The following TLK2 variants were observed in gnomAD, a reference collection of about 807,000 sequenced individuals.
TLK2 encodes tousled like kinase 2.
Under a neutral mutation model 117.3 loss-of-function variants are expected in TLK2, and 6 were observed. The observed-to-expected ratio is 0.05, with a 90% CI of 0.03 to 0.10. The LOEUF (loss-of-function observed/expected upper bound fraction) is 0.10. Ranked by LOEUF, TLK2 falls within the 10% of genes least tolerant of loss-of-function variation. TLK2 has a pLI of 1.00. For synonymous variants in TLK2, 257 were observed against 316.7 expected, an observed-to-expected ratio of 0.81 and a Z score of 2.00; for missense variants, 299 against 901.2, an observed-to-expected ratio of 0.33 and a Z score of 8.56.
chr17:62,553,019 A>G (rs1383180953), intron 8 of TLK2, among the ~76,000 whole-genome samples: 17 of 152,174 alleles, frequency 1.1e-4, no homozygotes, highest in African/African-American at 3.6e-4. Flanking sequence ...TGAACATTTG[A>G]GGATTGTATC....
intron 10 of TLK2, among the ~76,000 whole-genome samples, chr17:62,563,036 T>C (rs567988582): frequency 6.6e-6 from 1 of 152,282 alleles, no homozygotes; most frequent in African/African-American, 2.4e-5. Flanking sequence ...AGCCAAAAAG[T>C]GGAAACATCC....
At chr17:62,478,557 C>G (rs1340510435), upstream of TLK2, among the ~76,000 whole-genome samples, 1 of 150,134 alleles carries the variant, frequency 6.7e-6, no homozygotes, top group Non-Finnish European at 1.5e-5. Context: ...CAGCCGGCGC[C>G]GCCCGTCGCC....
chr17:62,471,156 G>C (rs1173816502), intron 1 of TLK2: 2 of 152,226 alleles, frequency 1.3e-5, no homozygotes, highest in Non-Finnish European at 2.9e-5. Flanking sequence ...GGCAGAATCA[G>C]GATTTGAGCT....
At chr17:62,598,651 T>C (rs998197581) in intron 17 of TLK2, among the ~76,000 whole-genome samples, 2 of 150,506 alleles carry the variant, frequency 1.3e-5, no homozygotes, top group African/African-American at 2.4e-5. Context: ...CAGCCTCCCA[T>C]GTAGCTAGGA....
intron 16 of TLK2, among the ~76,000 whole-genome samples, chr17:62,596,326 G>A (rs1004384201): frequency 7.9e-5 from 12 of 152,092 alleles, no homozygotes; most frequent in African/African-American, 2.2e-4. Context: ...CACCTGCCTC[G>A]GCCTCCCAAA....
intron 2 of TLK2, among the ~76,000 whole-genome samples, chr17:62,498,278 T>C (rs1459389304): frequency 6.6e-6 from 1 of 152,212 alleles, no homozygotes; most frequent in Non-Finnish European, 1.5e-5. Flanking sequence ...TCAAAAGTTA[T>C]AATTCCTAGT....
intron 13 of TLK2, among the ~76,000 whole-genome samples, chr17:62,576,997 G>A (rs4539664): frequency 7.1e-6 from 1 of 141,180 alleles, no homozygotes; most frequent in South Asian, 2.4e-4. Context: ...GAGTCTCACT[G>A]TGTCTCCCAG....
At chr17:62,476,773 A>G (rs1202060345), upstream of TLK2, among the ~76,000 whole-genome samples, 1 of 151,912 alleles carries the variant, frequency 6.6e-6, no homozygotes, top group Non-Finnish European at 1.5e-5. Context: ...GATTTAAGAC[A>G]TTAAATCATT....
intron 14 of TLK2, among the ~76,000 whole-genome samples, chr17:62,578,776 A>G (rs945967464): frequency 1.3e-5 from 2 of 152,234 alleles, no homozygotes; most frequent in Non-Finnish European, 2.9e-5. Context: ...TATTAAATTT[A>G]TATATTAAGT....
At chr17:62,597,051 A>T (rs894709999) in intron 17 of TLK2, among the ~76,000 whole-genome samples, 15 of 152,310 alleles carry the variant, frequency 9.8e-5, no homozygotes, top group South Asian at 4.1e-4. Flanking sequence ...CACATGTAAA[A>T]TATACAGTTT....
At chr17:62,511,671 A>G (rs556027391) in intron 2 of TLK2, among the ~76,000 whole-genome samples, 10 of 152,338 alleles carry the variant, frequency 6.6e-5, no homozygotes, top group African/African-American at 2.4e-4. Context: ...CACCCAGCCT[A>G]CAGCTTTCTG....
chr17:62,562,035 G>T (rs537744515), intron 10 of TLK2, among the ~76,000 whole-genome samples: 3 of 152,228 alleles, frequency 2.0e-5, no homozygotes, highest in African/African-American at 7.2e-5. Context: ...AGTATTTATT[G>T]AGTATCTGCT....
chr17:62,608,872 TGGAATG>T (rs2083512680), intron 21 of TLK2, among the ~76,000 whole-genome samples: 2 of 152,242 alleles, frequency 1.3e-5, no homozygotes, highest in Admixed American at 6.5e-5. Flanking sequence ...AAAGGAAACA[TGGAATG>T]GGAAGTGGTG....
intron 7 of TLK2, among the ~76,000 whole-genome samples, chr17:62,547,910 A>G (rs529453134): frequency 2.6e-5 from 4 of 152,322 alleles, no homozygotes; most frequent in Admixed American, 1.3e-4. Flanking sequence ...CTGCATAGGA[A>G]TAAATGGTAA....
intron 13 of TLK2, among the ~76,000 whole-genome samples, 193 bp from the exon 14 acceptor site, chr17:62,578,281 ACTC>A (rs2080963181): frequency 6.6e-6 from 1 of 151,560 alleles, no homozygotes; most frequent in South Asian, 2.1e-4. Flanking sequence ...TTCTTACTGA[ACTC>A]CTCTGTATGG....
chr17:62,580,554 T>C (rs1187306348), intron 15 of TLK2, among the ~76,000 whole-genome samples: 1 of 152,256 alleles, frequency 6.6e-6, no homozygotes, highest in East Asian at 1.9e-4. Flanking sequence ...GTGTCAAACC[T>C]GTTTCCAATA....
At chr17:62,540,927 G>A (rs549399844) in intron 7 of TLK2, among the ~76,000 whole-genome samples, 1 of 152,296 alleles carries the variant, frequency 6.6e-6, no homozygotes, top group Admixed American at 6.5e-5. Context: ...ACCCTGACAT[G>A]TTTTACTACC....
chr17:62,590,429 C>T (rs949199231), intron 16 of TLK2, among the ~76,000 whole-genome samples: 1 of 152,018 alleles, frequency 6.6e-6, no homozygotes, highest in Non-Finnish European at 1.5e-5. Context: ...GGCGACAGAG[C>T]GAGACTCCGT....
intron 2 of TLK2, among the ~76,000 whole-genome samples, chr17:62,507,825 A>C (rs1368338322): frequency 6.6e-6 from 1 of 151,914 alleles, no homozygotes; most frequent in African/African-American, 2.4e-5. Context: ...TATCCACAGA[A>C]TTTTCTCTAG....
Sources: gnomAD v4.1 joint callset for allele counts (sites outside exome capture counted in the v4.1 genomes callset) on GRCh38, gnomAD v4.1.1 for gene constraint, MANE v1.5 for transcripts, NCBI Gene and HGNC (gene_info 2026-07-23, HGNC 2026-07-21) for gene names.